NIPAL2: variants seen among roughly 807,000 people sequenced by gnomAD.
NIPAL2 encodes the protein NIPA like domain containing 2.
NIPAL2 carries 43 observed loss-of-function variants against 48.9 expected under a neutral mutation model. That is an observed-to-expected ratio of 0.88 (90% confidence interval 0.69 to 1.13). The LOEUF (loss-of-function observed/expected upper bound fraction) is 1.13. NIPAL2 is among the 50% of genes most tolerant of loss of function. The probability of loss-of-function intolerance (pLI) is 0.00; values close to 1 mark genes in which losing one functional copy is unlikely to be tolerated. For missense variants in NIPAL2, 446 were observed against 461.4 expected (o/e 0.97, Z 0.31); for synonymous variants, 167 against 174.6 (o/e 0.96, Z 0.34).
At chr8:98,273,499 G>A (rs916454184) in intron 1 of NIPAL2, among the ~76,000 whole-genome samples, 2 of 152,024 alleles carry the variant, frequency 1.3e-5, no homozygotes, top group South Asian at 2.1e-4. Flanking sequence ...CACTTTAAAT[G>A]AGTGAATTTT....
chr8:98,219,608 GC>G (rs1458646814), intron 5 of NIPAL2, among the ~76,000 whole-genome samples: 1 of 152,052 alleles, frequency 6.6e-6, no homozygotes, highest in Non-Finnish European at 1.5e-5. Flanking sequence ...GTCACTCCTA[GC>G]CCCCTTCCTG....
At position 98,191,187 on chromosome 8, in the gene NIPAL2, G is replaced by C. The variant is rs1390445427; in HGVS notation, c.*1791C>G. 1 of 152,142 alleles carries C rather than the reference G, an allele frequency of 6.6e-6. No individual in the cohort carries two copies. Among genetic ancestry groups the C allele is most frequent in the African/African-American group, 2.4e-5 (1 of 41,434 alleles). 9.4% of individuals were successfully genotyped at this position (152,142 alleles called of 1,614,324 possible). On this transcript the variant is annotated 3_prime_UTR_variant, in exon 11 of 11. Coordinates refer to ENST00000430223, the MANE Select transcript of NIPAL2 (RefSeq NM_001321635.2). ...CTCATGCACTCTAGCTATGAATGCAGGTCTACTTGAAGCAAAACTCTTCAA... is the reference window on the plus strand; with the variant it reads ...CTCATGCACTCTAGCTATGAATGCACGTCTACTTGAAGCAAAACTCTTCAA...
chr8:98,280,757 T>TA, intron 1 of NIPAL2, among the ~76,000 whole-genome samples: 1 of 29,314 alleles, frequency 3.4e-5, no homozygotes, highest in South Asian at 1.2e-3. Flanking sequence ...TATATATATA[T>TA]ATATAGAGAG....
intron 5 of NIPAL2, among the ~76,000 whole-genome samples, chr8:98,218,832 CA>C (rs1811704292): frequency 6.6e-6 from 1 of 152,158 alleles, no homozygotes; most frequent in Non-Finnish European, 1.5e-5. Flanking sequence ...GGTACAACAG[CA>C]CTGCGTTATG....
At chr8:98,263,784 C>A (rs376713490) in intron 1 of NIPAL2, among the ~76,000 whole-genome samples, 1 of 66,348 alleles carries the variant, frequency 1.5e-5, no homozygotes, top group African/African-American at 6.9e-5. Flanking sequence ...TTTTATGAGG[C>A]CAGCATCATT....
intron 4 of NIPAL2, among the ~76,000 whole-genome samples, chr8:98,224,750 C>CT (rs1812067985): frequency 2.2e-5 from 2 of 89,520 alleles, no homozygotes; most frequent in African/African-American, 7.3e-5. Context: ...TTCTTTCTTT[C>CT]TTTTCTTTTT....
chr8:98,254,211 G>T (rs1813749665), intron 1 of NIPAL2, 124 bp from the exon 2 acceptor site: 2 of 636,102 alleles, frequency 3.1e-6, no homozygotes, highest in Non-Finnish European at 2.6e-6. Flanking sequence ...CATTTCCCAG[G>T]GTAGGTTTGG....
At chr8:98,283,508 T>C (rs1815973427) in intron 1 of NIPAL2, among the ~76,000 whole-genome samples, 1 of 152,356 alleles carries the variant, frequency 6.6e-6, no homozygotes, top group African/African-American at 2.4e-5. Context: ...CCACTGTCTA[T>C]GTCCAGGTCA....
chr8:98,269,367 A>G (rs1225184343), intron 1 of NIPAL2, among the ~76,000 whole-genome samples: 1 of 152,252 alleles, frequency 6.6e-6, no homozygotes, highest in African/African-American at 2.4e-5. Flanking sequence ...TGAAAGTCAA[A>G]ACTACTCATT....
chr8:98,264,959 C>A (rs1442039223), intron 1 of NIPAL2, among the ~76,000 whole-genome samples: 14 of 147,738 alleles, frequency 9.5e-5, no homozygotes, highest in African/African-American at 3.5e-4. Flanking sequence ...CAGAACAGAG[C>A]CCTCAGAAAT....
intron 3 of NIPAL2, among the ~76,000 whole-genome samples, chr8:98,239,358 T>A (rs557631737): frequency 3.9e-5 from 6 of 152,190 alleles, no homozygotes; most frequent in Non-Finnish European, 7.4e-5. Flanking sequence ...CTATACCCCA[T>A]TGGCTCCCTT....
intron 3 of NIPAL2, among the ~76,000 whole-genome samples, chr8:98,247,852 A>C (rs1813387708): frequency 6.6e-6 from 1 of 152,208 alleles, no homozygotes; most frequent in African/African-American, 2.4e-5. Context: ...AACTCCACAG[A>C]ATATCTAACC....
chr8:98,205,119 G>A lies in NIPAL2; in HGVS notation c.783C>T (p.Phe261=). 6.2e-7 allele frequency: 1 copy of A among 1,613,446 alleles called. No individual in the cohort carries two copies. The highest frequency in any genetic ancestry group is 8.5e-7 in the Non-Finnish European group (1 of 1,179,820). Residue 261 remains phenylalanine (F), a synonymous_variant, in exon 7 of 11, where the codon TTC becomes TTT. Transcript: ENST00000430223. ...MFIIMIASCV[F]QVKFLNQATK... ...TGCAGAAGCTAACTTACTTGACTTG[G>A]AAAACACAAGATGCTATCATGATGA...
intron 1 of NIPAL2, among the ~76,000 whole-genome samples, chr8:98,279,812 A>G (rs908529462): frequency 5.9e-5 from 9 of 152,242 alleles, no homozygotes; most frequent in African/African-American, 1.7e-4. Flanking sequence ...TGTAGTTATA[A>G]GTAGAGGCCA....
chr8:98,209,445 C>CAAAAAAAAA lies in NIPAL2; in HGVS notation c.655+2951_655+2959dup, dbSNP rs33923448. Among the ~76,000 whole-genome samples, 405 of 70,438 alleles carry CAAAAAAAAA rather than the reference C, an allele frequency of 5.7e-3. 11 individuals are homozygous for CAAAAAAAAA. Among genetic ancestry groups the CAAAAAAAAA allele is most frequent in the South Asian group, 8.7e-3 (13 of 1,486 alleles). The allele number at this position is 70,438 out of a possible 152,430, so 46.2% of individuals were successfully genotyped here. On this transcript the variant is annotated intron_variant, in intron 6 of 10. Transcript: ENST00000430223. ...GCAGCATGGGGATACCCTGTCTCTC[C>CAAAAAAAAA]AAAAAAAAAAAAAAAAAAAAAAATT...
intron 3 of NIPAL2, among the ~76,000 whole-genome samples, chr8:98,238,583 G>A (rs115593335): frequency 4.6e-4 from 70 of 150,844 alleles, no homozygotes; most frequent in African/African-American, 1.6e-3. Context: ...CCTCATGCAG[G>A]ATAAGATGAG....
At chr8:98,217,513 T>A (rs1339291370) in intron 5 of NIPAL2, among the ~76,000 whole-genome samples, 1 of 152,218 alleles carries the variant, frequency 6.6e-6, no homozygotes, top group African/African-American at 2.4e-5. Flanking sequence ...CTGTAATTAT[T>A]ATCTTTGCAG....
At chr8:98,220,590 T>G (rs1469490446) in intron 5 of NIPAL2, among the ~76,000 whole-genome samples, 3 of 152,078 alleles carry the variant, frequency 2.0e-5, no homozygotes, top group Non-Finnish European at 4.4e-5. Context: ...TAAAATTATT[T>G]GTAGAGTTGA....
In NIPAL2 at chr8:98,233,263, A is replaced by T. The variant is rs76973624; in HGVS notation, c.436+2892T>A. Among the ~76,000 whole-genome samples the T allele has an allele frequency of 1.6e-3, 231 of 146,900 alleles. 2 individuals are homozygous for T. The highest frequency in any genetic ancestry group is 5.8e-3 in the African/African-American group (224 of 38,470). ...ACAGAGCGAGACTCCATCTCAAAAG[A>T]AAAAAAAAAGGTGAGGAATTAGCAA... On this transcript the variant is annotated intron_variant, in intron 4 of 10. Transcript: ENST00000430223.
Sources: gnomAD v4.1 joint callset for allele counts (sites outside exome capture counted in the v4.1 genomes callset) on GRCh38, gnomAD v4.1.1 for gene constraint, MANE v1.5 for transcripts, NCBI Gene and HGNC (gene_info 2026-07-23, HGNC 2026-07-21) for gene names.